The following CALN1 variants were observed in gnomAD, a reference collection of about 807,000 sequenced individuals.
CALN1 encodes the protein calcium-binding protein 8.
In CALN1, 17 loss-of-function variants were observed where a neutral mutation model predicts 30.6. The observed-to-expected ratio is 0.56, with a 90% confidence interval of 0.38 to 0.83. The LOEUF is 0.83. CALN1 is among the 40% of genes least tolerant of loss of function. The probability of loss-of-function intolerance (pLI) is 0.00; values close to 1 mark genes in which losing one functional copy is unlikely to be tolerated. For missense variants in CALN1, 291 were observed against 354.9 expected (o/e 0.82, Z 1.45); for synonymous variants, 156 against 131.4 (o/e 1.19, Z -1.28).
intron 5 of CALN1, among the ~76,000 whole-genome samples, chr7:71,851,922 TGA>T (rs1308280294): frequency 1.3e-5 from 2 of 152,090 alleles, no homozygotes; most frequent in African/African-American, 4.8e-5. Flanking sequence ...GCTTTTTTCC[TGA>T]GAGGATCTGC....
intron 3 of CALN1, among the ~76,000 whole-genome samples, chr7:72,176,986 A>C (rs1330186804): frequency 6.6e-6 from 1 of 152,160 alleles, no homozygotes; most frequent in Non-Finnish European, 1.5e-5. Flanking sequence ...GGCTGAGTGG[A>C]AACACCTATT....
At chr7:71,996,204 T>C (rs1398778870) in intron 5 of CALN1, among the ~76,000 whole-genome samples, 1 of 152,072 alleles carries the variant, frequency 6.6e-6, no homozygotes, top group Non-Finnish European at 1.5e-5. Flanking sequence ...AACTGCCTAC[T>C]AAAAGAAAAG....
chr7:72,106,469 A>G (rs1042472488), intron 3 of CALN1, among the ~76,000 whole-genome samples, 175 bp from the exon 4 acceptor site: 5 of 151,714 alleles, frequency 3.3e-5, no homozygotes, highest in African/African-American at 1.2e-4. Flanking sequence ...GAAACGAAGA[A>G]AAGAAAAAGG....
Position 71,955,840 on chromosome 7 carries a change from G to A in CALN1, c.501+67817C>T, listed in dbSNP as rs916283754. Among the ~76,000 whole-genome samples, 6 of 152,148 alleles carry A rather than the reference G, an allele frequency of 3.9e-5. No homozygotes were observed. The South Asian group carries it at 1.2e-3, about 32-fold the overall frequency. ...ACCTCCTCTGGGAGGAAAGTCAGAA[G>A]TAGAATGTACTCTAAGAGGGCTTGA... On this transcript the variant is annotated intron_variant, in intron 5 of 6. Transcript: ENST00000395275.
chr7:72,455,323 G>A, the CALN1 span, among the ~76,000 whole-genome samples: 642 of 51,020 alleles, frequency 0.013, 3 homozygotes, highest in African/African-American at 0.049. Context: ...ATATATATAT[G>A]TGTGTGTGTG....
chr7:72,283,248 G>A (rs1797855855), intron 2 of CALN1, among the ~76,000 whole-genome samples: 1 of 152,104 alleles, frequency 6.6e-6, no homozygotes, highest in Non-Finnish European at 1.5e-5. Flanking sequence ...TAAACGGCCA[G>A]GCATGGTGGC....
At chr7:72,487,205 A>T in the CALN1 span, among the ~76,000 whole-genome samples, 3 of 152,130 alleles carry the variant, frequency 2.0e-5, no homozygotes, top group Non-Finnish European at 2.9e-5. Context: ...TGGGTGAGGG[A>T]TGAACAAGGA....
At chr7:71,940,738 A>G (rs1249893164) in intron 5 of CALN1, among the ~76,000 whole-genome samples, 8 of 152,058 alleles carry the variant, frequency 5.3e-5, no homozygotes, top group Non-Finnish European at 7.4e-5. Context: ...CAGCCTCCCG[A>G]GTAGCTGAAA....
chr7:72,099,273 C>CT (rs386359911), intron 4 of CALN1, among the ~76,000 whole-genome samples: 1,805 of 125,266 alleles, frequency 0.014, 34 homozygotes, highest in African/African-American at 0.045. Flanking sequence ...CCAAACACTC[C>CT]TTTTTTTTTT....
chr7:72,462,819 C>T, the CALN1 span, among the ~76,000 whole-genome samples: 1 of 152,234 alleles, frequency 6.6e-6, no homozygotes, highest in Non-Finnish European at 1.5e-5. Context: ...CCACTGCCTG[C>T]CCGAACTTGC....
chr7:72,459,948 A>G, the CALN1 span, among the ~76,000 whole-genome samples: 1 of 152,130 alleles, frequency 6.6e-6, no homozygotes, highest in Non-Finnish European at 1.5e-5. Flanking sequence ...AAGGGGGTTT[A>G]TTTGGTTCAT....
At chr7:72,041,199 T>C (rs1802102994) in intron 4 of CALN1, among the ~76,000 whole-genome samples, 1 of 152,110 alleles carries the variant, frequency 6.6e-6, no homozygotes, top group Admixed American at 6.5e-5. Context: ...GAGAGAGGCA[T>C]GTGCCTGAGA....
At chr7:72,447,172 G>T, upstream of CALN1, 1 of 156,466 alleles carries the variant, frequency 6.4e-6, no homozygotes, top group Non-Finnish European at 1.4e-5. Context: ...TTAATTAACA[G>T]GGTCTGATGC....
At chr7:71,850,683 C>T (rs951236468) in intron 5 of CALN1, among the ~76,000 whole-genome samples, 2 of 152,090 alleles carry the variant, frequency 1.3e-5, no homozygotes, top group African/African-American at 2.4e-5. Context: ...GTTAGCTCTG[C>T]GGAGTTCAAT....
intron 3 of CALN1, among the ~76,000 whole-genome samples, chr7:72,115,107 A>T (rs1351799474): frequency 6.8e-6 from 1 of 147,876 alleles, no homozygotes; most frequent in Non-Finnish European, 1.5e-5. Context: ...TATATATAGT[A>T]TAATATATAT....
intron 2 of CALN1, among the ~76,000 whole-genome samples, chr7:72,320,804 T>C (rs1471720888): frequency 7.8e-6 from 1 of 128,530 alleles, no homozygotes; most frequent in Non-Finnish European, 1.5e-5. Flanking sequence ...CACTGCACTC[T>C]AGCCTGGGCG....
chr7:72,035,682 A>G (rs1801751598), intron 4 of CALN1, among the ~76,000 whole-genome samples: 1 of 152,156 alleles, frequency 6.6e-6, no homozygotes, highest in African/African-American at 2.4e-5. Context: ...ATACACTCTA[A>G]TTTGGATTTA....
rs1010176791 is a variant in CALN1 at position 71,896,056 on chromosome 7, G to T, written c.502-85564C>A. Among the ~76,000 whole-genome samples, 4 of 152,166 alleles carry T rather than the reference G, an allele frequency of 2.6e-5. No homozygotes were observed. The East Asian group carries it at 7.7e-4, about 29-fold the overall frequency. Reference sequence around the variant, plus strand: ...GAGTGGGCTGCCCTGTATAGTGCCTGCTGTGCCCAGAAGCCAACTGAATTC... The same window carrying T: ...GAGTGGGCTGCCCTGTATAGTGCCTTCTGTGCCCAGAAGCCAACTGAATTC... On this transcript the variant is annotated intron_variant, in intron 5 of 6. Coordinates refer to ENST00000395275, the MANE Select transcript of CALN1 (RefSeq NM_031468.4).
chr7:72,206,834 T>G (rs1791923190), intron 3 of CALN1, among the ~76,000 whole-genome samples: 1 of 152,202 alleles, frequency 6.6e-6, no homozygotes, highest in African/African-American at 2.4e-5. Flanking sequence ...AAGAATGGAT[T>G]TATCCTTTGA....
Sources: gnomAD v4.1 joint callset for allele counts (sites outside exome capture counted in the v4.1 genomes callset) on GRCh38, gnomAD v4.1.1 for gene constraint, MANE v1.5 for transcripts, NCBI Gene and HGNC (gene_info 2026-07-23, HGNC 2026-07-21) for gene names.